Variants in CADM1 observed in about 807,000 individuals in gnomAD.
The protein encoded by CADM1 is TSLC-1.
In CADM1, 15 loss-of-function variants were observed where a neutral mutation model predicts 53.1. That is an observed-to-expected ratio of 0.28 (90% CI 0.19 to 0.44). The LOEUF (loss-of-function observed/expected upper bound fraction) is 0.44, where lower values mean the gene tolerates loss of function less well. CADM1 is among the 20% of genes least tolerant of loss of function. CADM1 has a pLI of 1.00. For missense variants in CADM1, 434 were observed against 611.3 expected (o/e 0.71, Z 3.06); for synonymous variants, 281 against 243.0 (o/e 1.16, Z -1.45).
intron 1 of CADM1, among the ~76,000 whole-genome samples, chr11:115,369,627 G>C (rs1448341653): frequency 6.6e-6 from 1 of 152,220 alleles, no homozygotes. Context: ...AGGGCATATT[G>C]GCATCCTGGA....
rs1033184355 is a variant in CADM1, at chr11:115,331,871, AC to A, written c.125-91452del. 2.6e-4 allele frequency among the ~76,000 whole-genome samples: 37 copies of A among 140,868 alleles called. 1 individual carries two copies. The highest frequency in any genetic ancestry group is 1.0e-3 in the African/African-American group (36 of 35,716). 92.4% of individuals were successfully genotyped at this position (140,868 alleles called of 152,430 possible). A position where few individuals can be genotyped will look rare whatever the true frequency, so the allele number is the denominator to read the frequency against. On this transcript the variant is annotated intron_variant, in intron 1 of 11. Transcript: ENST00000331581. ...GAGATGTAACTAAAATGAAATATAG[AC>A]CTTTTTTTTTGTTTTTTTGAGTTCA...
At chr11:115,414,062 T>TAC (rs1048081852) in intron 1 of CADM1, among the ~76,000 whole-genome samples, 6 of 151,900 alleles carry the variant, frequency 3.9e-5, no homozygotes, top group South Asian at 2.1e-4. Flanking sequence ...AATAAGTATA[T>TAC]ACACACACAC....
chr11:115,347,511 A>T (rs78052199), intron 1 of CADM1, among the ~76,000 whole-genome samples: 3,200 of 152,282 alleles, frequency 0.021, 135 homozygotes, highest in African/African-American at 0.071. Context: ...TAGATAATAG[A>T]ACATTTATTT....
At chr11:115,432,307 T>C (rs1948076246) in intron 1 of CADM1, among the ~76,000 whole-genome samples, 6 of 152,152 alleles carry the variant, frequency 3.9e-5, no homozygotes, top group Admixed American at 2.6e-4. Context: ...CTGCTTTCGC[T>C]CACCATTGTC....
At chr11:115,357,166 G>C (rs1367830925) in intron 1 of CADM1, among the ~76,000 whole-genome samples, 1 of 152,128 alleles carries the variant, frequency 6.6e-6, no homozygotes, top group Admixed American at 6.5e-5. Flanking sequence ...AGGAACCCCA[G>C]CTAGATGTGC....
At chr11:115,309,703 G>C (rs901349200) in intron 1 of CADM1, among the ~76,000 whole-genome samples, 2 of 152,114 alleles carry the variant, frequency 1.3e-5, no homozygotes, top group African/African-American at 2.4e-5. Flanking sequence ...TGAGATGTTA[G>C]TTCCGGTTCT....
At chr11:115,281,260 G>A (rs1943576400) in intron 1 of CADM1, among the ~76,000 whole-genome samples, 1 of 152,204 alleles carries the variant, frequency 6.6e-6, no homozygotes, top group Admixed American at 6.5e-5. Flanking sequence ...GAGCGTAGGA[G>A]GCAGGCTCTT....
chr11:115,307,095 C>T (rs1418114148), intron 1 of CADM1, among the ~76,000 whole-genome samples: 2 of 151,920 alleles, frequency 1.3e-5, no homozygotes, highest in African/African-American at 4.8e-5. Flanking sequence ...ATCAAATGCA[C>T]ATGATATTTA....
intron 9 of CADM1, among the ~76,000 whole-genome samples, chr11:115,192,346 A>G (rs1439330989): frequency 1.3e-5 from 2 of 152,226 alleles, no homozygotes; most frequent in Non-Finnish European, 2.9e-5. Context: ...TTGAGCCCAC[A>G]GGTATTCCCA....
At chr11:115,214,839 C>T (rs1790421754) in intron 6 of CADM1, 59 bp from the exon 7 acceptor site, 2 of 1,504,712 alleles carry the variant, frequency 1.3e-6, no homozygotes, top group South Asian at 2.3e-5. Flanking sequence ...CATCAAACTG[C>T]TCACCCACAT....
intron 1 of CADM1, among the ~76,000 whole-genome samples, chr11:115,475,605 T>G (rs1454913482): frequency 6.6e-6 from 1 of 152,180 alleles, no homozygotes; most frequent in Non-Finnish European, 1.5e-5. Context: ...AATGAACAAC[T>G]GATAGATAGG....
At chr11:115,374,921 G>A (rs1026911138) in intron 1 of CADM1, among the ~76,000 whole-genome samples, 4 of 151,894 alleles carry the variant, frequency 2.6e-5, no homozygotes, top group Admixed American at 2.6e-4. Context: ...CAAATAAAAA[G>A]GTTTTTTTCA....
At chr11:115,300,833 T>C (rs191240700) in intron 1 of CADM1, among the ~76,000 whole-genome samples, 3 of 152,230 alleles carry the variant, frequency 2.0e-5, no homozygotes, top group Non-Finnish European at 2.9e-5. Flanking sequence ...GAGATATGCA[T>C]GTAGGCTCTG....
At chr11:115,355,286 A>T (rs1392928363) in intron 1 of CADM1, among the ~76,000 whole-genome samples, 1 of 152,104 alleles carries the variant, frequency 6.6e-6, no homozygotes, top group Non-Finnish European at 1.5e-5. Flanking sequence ...GCTATAAAAA[A>T]GAATGGATCA....
rs139594120 is a variant in CADM1, at chr11:115,209,442, G to A, written c.1078+132C>T. 3.8e-6 allele frequency: 5 copies of A among 1,309,364 alleles called. No individual in the cohort carries two copies. In the East Asian group the frequency reaches 9.2e-5, roughly 24 times the overall value. 81.1% of individuals were successfully genotyped at this position (1,309,364 alleles called of 1,614,324 possible). ...TCAACTTAAGAACATAGTATCTAAT[G>A]TCGTTGGAGTTCCAAAATAAAGGAA... is the stretch of plus-strand genomic sequence containing the variant. On this transcript the variant is annotated intron_variant, in intron 8 of 11. Coordinates refer to ENST00000331581, the MANE Select transcript of CADM1 (RefSeq NM_001301043.2).
At chr11:115,267,888 C>T (rs969520592) in intron 1 of CADM1, among the ~76,000 whole-genome samples, 4 of 151,532 alleles carry the variant, frequency 2.6e-5, no homozygotes, top group African/African-American at 7.3e-5. Context: ...ATTTATGACA[C>T]GGTCACCGGG....
At chr11:115,298,539 G>A (rs921613554) in intron 1 of CADM1, among the ~76,000 whole-genome samples, 1 of 152,156 alleles carries the variant, frequency 6.6e-6, no homozygotes, top group East Asian at 1.9e-4. Flanking sequence ...ACTTCATCTT[G>A]TAAGAGACTT....
At chr11:115,306,072 C>CCCCACACACA (rs1555060495) in intron 1 of CADM1, among the ~76,000 whole-genome samples, 1 of 130,390 alleles carries the variant, frequency 7.7e-6, no homozygotes, top group African/African-American at 2.9e-5. Context: ...AGGATATATA[C>CCCCACACACA]CACACACACA....
chr11:115,263,797 A>G (rs993477009), intron 1 of CADM1, among the ~76,000 whole-genome samples: 1 of 152,248 alleles, frequency 6.6e-6, no homozygotes, highest in Non-Finnish European at 1.5e-5. Context: ...CAAACAATGA[A>G]AAGGGAAGAA....
Sources: allele counts gnomAD v4.1 joint callset (sites outside exome capture counted in the v4.1 genomes callset), GRCh38; gene constraint gnomAD v4.1.1; transcripts MANE v1.5; gene names NCBI Gene and HGNC (gene_info 2026-07-23, HGNC 2026-07-21).